The following VAV1 variants were observed in gnomAD, a reference collection of about 807,000 sequenced individuals.
VAV1 encodes the protein proto-oncogene vav.
A neutral mutation model predicts 128.1 loss-of-function variants in VAV1; 33 were observed. That is an observed-to-expected ratio of 0.26 (90% CI 0.20 to 0.34). The LOEUF is 0.34. VAV1 is among the 10% of genes least tolerant of loss of function. The probability of loss-of-function intolerance (pLI) is 1.00; values close to 1 mark genes in which losing one functional copy is unlikely to be tolerated. For synonymous variants in VAV1, 394 were observed against 409.8 expected (o/e 0.96, Z 0.47); for missense variants, 715 against 1,093.7 (o/e 0.65, Z 4.88).
At chr19:6,816,177 G>A (rs984388074) in intron 1 of VAV1, among the ~76,000 whole-genome samples, 12 of 151,692 alleles carry the variant, frequency 7.9e-5, no homozygotes, top group Admixed American at 1.3e-4. Flanking sequence ...ACACCACCAC[G>A]CCCAGCTAAT....
At chr19:6,845,553 T>C (rs1308040199) in intron 22 of VAV1, among the ~76,000 whole-genome samples, 1 of 151,598 alleles carries the variant, frequency 6.6e-6, no homozygotes, top group Non-Finnish European at 1.5e-5. Context: ...CAATTACATA[T>C]GATTTATAAT....
In VAV1 at chr19:6,772,850, C is replaced by A; in HGVS notation, c.43C>A (p.Arg15=). The change falls in exon 1 of 27, where the codon CGG becomes AGG. Residue 15 remains arginine, a synonymous_variant. Transcript: ENST00000602142. The surrounding 1 kb of genome is among the most constrained non-coding windows in gnomAD (Gnocchi z 4.8). ...ATGCACCCACTGGCTCATCCAGTGC[C>A]GGGTGCTGCCGCCCAGCCACCGCGT... ...RQCTHWLIQC[R]VLPPSHRVTW... The A allele has an allele frequency of 6.2e-7, 1 of 1,614,046 alleles. No individual in the cohort carries two copies. The highest frequency in any genetic ancestry group is 8.5e-7 in the Non-Finnish European group (1 of 1,179,964).
In VAV1 at chr19:6,850,234, T is replaced by G. The variant is rs1312084311; in HGVS notation, c.2130-436T>G. ...GTTTGTTTGTTTCTTTGTTTTTTTT[T>G]TTTTTTTTTTTGTGATCTAGTTTGC... On this transcript the variant is annotated intron_variant, in intron 23 of 26. Transcript: ENST00000602142. Among the ~76,000 whole-genome samples the G allele has an allele frequency of 3.8e-5, 5 of 132,772 alleles. 1 individual carries two copies. The highest frequency in any genetic ancestry group is 7.0e-3 in the Middle Eastern group (2 of 284). 87.1% of individuals were successfully genotyped at this position (132,772 alleles called of 152,430 possible).
chr19:6,821,361 A>G (rs1196314756), intron 2 of VAV1, among the ~76,000 whole-genome samples: 3 of 152,170 alleles, frequency 2.0e-5, no homozygotes, highest in Non-Finnish European at 4.4e-5. Flanking sequence ...AGATGGTGCC[A>G]CTGCACTCCA....
intron 1 of VAV1, among the ~76,000 whole-genome samples, chr19:6,806,590 C>A (rs1226335730): frequency 1.3e-5 from 2 of 152,144 alleles, no homozygotes; most frequent in Non-Finnish European, 2.9e-5. Flanking sequence ...TTGCTCCAGA[C>A]CGCCTAACCT....
At chr19:6,850,812 C>G (rs1768121627) in intron 24 of VAV1, 55 bp downstream of exon 24, 1 of 1,580,834 alleles carries the variant, frequency 6.3e-7, no homozygotes. Context: ...AGGACCCTCC[C>G]TGCACCTCCG....
chr19:6,821,614 C>T lies in VAV1; in HGVS notation c.322-8C>T, dbSNP rs28617395. Reference sequence around the variant, plus strand: ...GGGGCTCACTGAGTGGCCACTGCCCCGTCACAGGTCATCTACACCCTGTCT... The same window carrying T: ...GGGGCTCACTGAGTGGCCACTGCCCTGTCACAGGTCATCTACACCCTGTCT... On this transcript the variant is annotated splice_region_variant and splice_polypyrimidine_tract_variant and intron_variant, in intron 2 of 26. Transcript: ENST00000602142. The T allele has an allele frequency of 0.15, 240,720 of 1,613,840 alleles. 19,113 individuals are homozygous for T. Among genetic ancestry groups the T allele is most frequent in the Non-Finnish European group, 0.16 (194,217 of 1,179,820 alleles).
intron 4 of VAV1, 102 bp downstream of exon 4, chr19:6,821,961 C>G: frequency 6.7e-7 from 1 of 1,484,706 alleles, no homozygotes; most frequent in Non-Finnish European, 9.4e-7. Context: ...TAAGGTCATA[C>G]CCTGGTGTCT....
At chr19:6,774,272 C>A (rs964435527) in intron 1 of VAV1, among the ~76,000 whole-genome samples, 1 of 151,730 alleles carries the variant, frequency 6.6e-6, no homozygotes, top group African/African-American at 2.4e-5. Context: ...GGACTACAGG[C>A]GCCCGCCACC....
intron 1 of VAV1, among the ~76,000 whole-genome samples, chr19:6,780,587 T>C (rs566046886): frequency 6.7e-6 from 1 of 148,362 alleles, no homozygotes; most frequent in Non-Finnish European, 1.5e-5. Flanking sequence ...TTTTTTTTTT[T>C]TTGGGACGGA....
intron 26 of VAV1, among the ~76,000 whole-genome samples, chr19:6,856,742 AAAAAG>A (rs931695077): frequency 0.01 from 1,551 of 151,114 alleles, 22 homozygotes; most frequent in African/African-American, 0.034. Context: ...AAAAAAAAAA[AAAAAG>A]AAAAGAAAAG....
At chr19:6,782,885 A>G (rs115213419) in intron 1 of VAV1, among the ~76,000 whole-genome samples, 2,160 of 150,034 alleles carry the variant, frequency 0.014, 51 homozygotes, top group African/African-American at 0.05. Flanking sequence ...CCTGTCTCGG[A>G]AGAAAAAAAA....
Position 6,850,731 on chromosome 19 carries a change from G to A in VAV1, c.2191G>A (p.Glu731Lys). 6.2e-7 allele frequency: 1 copy of A among 1,614,040 alleles called. No homozygotes were observed. Reference protein sequence around the residue: ...MTAEGLYRITEKKAFRGLTEL... With the variant: ...MTAEGLYRITKKKAFRGLTEL... Reference sequence around the variant, plus strand: ...AGCAGAAGGACTGTACCGGATCACAGAGAAAAAGGCTTTCCGGGGGCTTAC... The same window carrying A: ...AGCAGAAGGACTGTACCGGATCACAAAGAAAAAGGCTTTCCGGGGGCTTAC... The change falls in exon 24 of 27, where the codon GAG (glutamate) becomes AAG (lysine). Residue 731 changes from glutamate (E) to lysine (K), a missense_variant. Around this residue, in one of 3 missense-constraint regions of VAV1, gnomAD observed 407 missense variants for 580.6 expected, o/e 0.70. Coordinates refer to ENST00000602142, the MANE Select transcript of VAV1 (RefSeq NM_005428.4).
chr19:6,776,913 A>G (rs1970655598), intron 1 of VAV1, among the ~76,000 whole-genome samples: 1 of 151,976 alleles, frequency 6.6e-6, no homozygotes, highest in Non-Finnish European at 1.5e-5. Flanking sequence ...ACCCGCCACC[A>G]CGCCCGGCTA....
At chr19:6,812,531 G>A (rs761667232) in intron 1 of VAV1, among the ~76,000 whole-genome samples, 6 of 151,988 alleles carry the variant, frequency 3.9e-5, no homozygotes, top group African/African-American at 1.5e-4. Flanking sequence ...ATGGTGGTGG[G>A]CGCCTGTAAT....
chr19:6,787,161 T>C (rs1329398772), intron 1 of VAV1, among the ~76,000 whole-genome samples: 1 of 151,730 alleles, frequency 6.6e-6, no homozygotes, highest in African/African-American at 2.4e-5. Context: ...TCTCTCTCTC[T>C]CTATTTTTTG....
rs999884465 is a variant in VAV1, at chr19:6,787,877, C to A, written c.204+14866C>A. On this transcript the variant is annotated intron_variant, in intron 1 of 26. Transcript: ENST00000602142. The stretch of plus-strand genomic sequence containing the variant: ...GGATCACGAGGTCAGGAGATCGAGA[C>A]CATCCTGGCTAACACGGTGAAACCC... Among the ~76,000 whole-genome samples the A allele has an allele frequency of 1.3e-5, 2 of 151,918 alleles. 1 individual carries two copies. Among genetic ancestry groups the A allele is most frequent in the African/African-American group, 4.8e-5 (2 of 41,368 alleles).
At chr19:6,841,073 G>A (rs967389801) in intron 21 of VAV1, among the ~76,000 whole-genome samples, 13 of 151,564 alleles carry the variant, frequency 8.6e-5, no homozygotes, top group African/African-American at 2.7e-4. Context: ...CCACCATGCC[G>A]GGCCTAATTT....
intron 23 of VAV1, among the ~76,000 whole-genome samples, chr19:6,848,485 T>C (rs1014352979): frequency 1.3e-5 from 2 of 151,260 alleles, no homozygotes; most frequent in Non-Finnish European, 1.5e-5. Context: ...CTCAGCTCAC[T>C]GCAACCTCCC....
Sources: gnomAD v4.1 joint callset for allele counts (sites outside exome capture counted in the v4.1 genomes callset) on GRCh38, gnomAD v4.1.1 for gene constraint, gnomAD v4.1.1 regional missense constraint, Gnocchi (gnomAD v3.1) non-coding constraint, MANE v1.5 for transcripts, NCBI Gene and HGNC (gene_info 2026-07-23, HGNC 2026-07-21) for gene names.